NSMCE2: variants seen among roughly 807,000 people sequenced by gnomAD.
NSMCE2 encodes the protein NSE2 SUMO ligase component of SMC5/6 complex.
In NSMCE2, 24 loss-of-function variants were observed where a neutral mutation model predicts 23.8. The ratio of observed to expected loss-of-function variants is 1.01; its 90% CI spans 0.73 to 1.42. NSMCE2 has a LOEUF of 1.42. NSMCE2 is among the 40% of genes most tolerant of loss of function. The probability of loss-of-function intolerance (pLI) is 0.00; values close to 1 mark genes in which losing one functional copy is unlikely to be tolerated. For missense variants in NSMCE2, 284 were observed against 296.5 expected, an observed-to-expected ratio of 0.96 and a Z score of 0.31; for synonymous variants, 92 against 94.1, an observed-to-expected ratio of 0.98 and a Z score of 0.13.
chr8:125,183,889 G>A (rs1822951670), intron 5 of NSMCE2, among the ~76,000 whole-genome samples: 1 of 151,960 alleles, frequency 6.6e-6, no homozygotes, highest in African/African-American at 2.4e-5. Context: ...GGCATTCTCA[G>A]TGAAAAGACC....
intron 5 of NSMCE2, among the ~76,000 whole-genome samples, chr8:125,328,424 G>A (rs1022321849): frequency 1.2e-4 from 18 of 152,158 alleles, no homozygotes; most frequent in East Asian, 3.8e-4. Flanking sequence ...AGCTATGAAC[G>A]TGCAAATTGC....
chr8:125,229,560 G>A (rs1237387012), intron 5 of NSMCE2, among the ~76,000 whole-genome samples: 1 of 152,120 alleles, frequency 6.6e-6, no homozygotes, highest in Non-Finnish European at 1.5e-5. Flanking sequence ...AAGAAGTACC[G>A]ACATTTGAAG....
chr8:125,127,334 G>T (rs1000036312), intron 3 of NSMCE2, among the ~76,000 whole-genome samples: 1 of 152,148 alleles, frequency 6.6e-6, no homozygotes, highest in Non-Finnish European at 1.5e-5. Flanking sequence ...GGGAGTACAT[G>T]ATAGTAAGGG....
intron 5 of NSMCE2, among the ~76,000 whole-genome samples, chr8:125,209,035 C>A (rs2130880449): frequency 6.6e-6 from 1 of 152,188 alleles, no homozygotes; most frequent in East Asian, 1.9e-4. Context: ...TGGTCTTGAA[C>A]TCCTGGGCAC....
At chr8:125,092,725 A>G (rs754210308) in intron 1 of NSMCE2, among the ~76,000 whole-genome samples, 29 of 152,356 alleles carry the variant, frequency 1.9e-4, no homozygotes, top group East Asian at 5.8e-4. Context: ...ACATGCAGAG[A>G]AAAAACTCAG....
chr8:125,128,120 G>T (rs1006216457), intron 3 of NSMCE2, among the ~76,000 whole-genome samples: 1 of 152,190 alleles, frequency 6.6e-6, no homozygotes, highest in African/African-American at 2.4e-5. Flanking sequence ...CTTGGAGAGG[G>T]CCAGACTAGT....
At chr8:125,284,643 G>T (rs968818430) in intron 5 of NSMCE2, among the ~76,000 whole-genome samples, 7 of 152,134 alleles carry the variant, frequency 4.6e-5, no homozygotes, top group African/African-American at 1.7e-4. Flanking sequence ...TGACATAGTG[G>T]ATCTGAGAGC....
At chr8:125,288,362 C>T (rs1286494676) in intron 5 of NSMCE2, among the ~76,000 whole-genome samples, 7 of 152,198 alleles carry the variant, frequency 4.6e-5, no homozygotes, top group Admixed American at 4.6e-4. Context: ...TTCCCTCCCT[C>T]AGGTAGTGCA....
intron 5 of NSMCE2, among the ~76,000 whole-genome samples, chr8:125,331,773 A>G (rs191811836): frequency 8.0e-4 from 122 of 152,286 alleles, no homozygotes; most frequent in Non-Finnish European, 1.1e-3. Flanking sequence ...ATTTCAGTCA[A>G]CGGTAAAGTT....
intron 3 of NSMCE2, among the ~76,000 whole-genome samples, chr8:125,123,933 A>G (rs1819388342): frequency 6.6e-6 from 1 of 152,206 alleles, no homozygotes; most frequent in African/African-American, 2.4e-5. Context: ...TTTAAAATGT[A>G]CAATTTTGTG....
chr8:125,174,170 C>A (rs74476075), intron 4 of NSMCE2, among the ~76,000 whole-genome samples: 3,262 of 152,068 alleles, frequency 0.021, 126 homozygotes, highest in African/African-American at 0.075. Flanking sequence ...TTATAGTTTG[C>A]AATAATCTGC....
chr8:125,307,740 T>A (rs576362554), intron 5 of NSMCE2, among the ~76,000 whole-genome samples: 3 of 152,190 alleles, frequency 2.0e-5, no homozygotes, highest in Admixed American at 1.3e-4. Flanking sequence ...GGGTTTTGAC[T>A]AAGCAAGTGT....
At chr8:125,217,744 T>C (rs1252054021) in intron 5 of NSMCE2, among the ~76,000 whole-genome samples, 1 of 152,164 alleles carries the variant, frequency 6.6e-6, no homozygotes, top group Non-Finnish European at 1.5e-5. Flanking sequence ...AGTCCTGTTA[T>C]TACAGCTGTG....
chr8:125,289,705 C>T (rs754528084), intron 5 of NSMCE2, among the ~76,000 whole-genome samples: 2 of 152,162 alleles, frequency 1.3e-5, no homozygotes, highest in African/African-American at 2.4e-5. Context: ...TGTGCTGTTA[C>T]TGAAACCCCC....
intron 3 of NSMCE2, among the ~76,000 whole-genome samples, chr8:125,139,516 A>G (rs751232492): frequency 1.3e-5 from 2 of 152,316 alleles, no homozygotes; most frequent in African/African-American, 4.8e-5. Flanking sequence ...AGGCCTCACA[A>G]TCATGGCAGA....
chr8:125,103,203 G>A (rs2130367398), intron 3 of NSMCE2, among the ~76,000 whole-genome samples: 1 of 152,246 alleles, frequency 6.6e-6, no homozygotes. Context: ...CTACTCGGGA[G>A]GCTGAGACAG....
intron 5 of NSMCE2, among the ~76,000 whole-genome samples, chr8:125,316,067 A>G (rs1390015077): frequency 2.0e-5 from 3 of 152,192 alleles, no homozygotes; most frequent in Non-Finnish European, 4.4e-5. Flanking sequence ...TCAGCCTCCC[A>G]AAGTGGTGGG....
chr8:125,245,436 G>A (rs7001448), intron 5 of NSMCE2, among the ~76,000 whole-genome samples: 4,844 of 152,096 alleles, frequency 0.032, 261 homozygotes, highest in African/African-American at 0.11. Flanking sequence ...CAAAGGCTAC[G>A]TCAAAACTAT....
intron 3 of NSMCE2, among the ~76,000 whole-genome samples, 186 bp from the exon 4 acceptor site, chr8:125,150,985 C>T (rs1820983885): frequency 6.6e-6 from 1 of 151,964 alleles, no homozygotes; most frequent in Non-Finnish European, 1.5e-5. Context: ...AATGAAGCAT[C>T]ATATGGTGAG....
Sources: gnomAD v4.1 joint callset for allele counts (sites outside exome capture counted in the v4.1 genomes callset) on GRCh38, gnomAD v4.1.1 for gene constraint, MANE v1.5 for transcripts, NCBI Gene and HGNC (gene_info 2026-07-23, HGNC 2026-07-21) for gene names.